Variants in PCM1 observed in about 807,000 individuals in gnomAD.
PCM1 encodes pericentriolar material 1 protein.
A neutral mutation model predicts 241.9 loss-of-function variants in PCM1; 157 were observed. That is an observed-to-expected ratio of 0.65 (90% CI 0.57 to 0.74). The LOEUF is 0.74. PCM1 is among the 30% of genes least tolerant of loss of function. The probability of loss-of-function intolerance (pLI) is 0.00; values close to 1 mark genes in which losing one functional copy is unlikely to be tolerated. For missense variants in PCM1, 3,478 were observed against 2,360.1 expected (o/e 1.47, Z -9.81); for synonymous variants, 1,085 against 784.9 (o/e 1.38, Z -6.39).
chr8:17,957,024 T>C (rs542136017), intron 11 of PCM1, among the ~76,000 whole-genome samples: 27 of 152,328 alleles, frequency 1.8e-4, no homozygotes, highest in African/African-American at 6.5e-4. Context: ...GTATCTAACT[T>C]AGCATTTTGC....
chr8:18,026,163 CTGAAACAAAAAAAAAAAAAAAAAAAAA>C (rs1323461343), intron 38 of PCM1, among the ~76,000 whole-genome samples: 8 of 53,676 alleles, frequency 1.5e-4, no homozygotes, highest in South Asian at 9.3e-4. Context: ...GACTCCCTCT[CTGAAACAAAAAAAAAAAAAAAAAAAAA>C]AAAAAAAAAA....
At chr8:18,001,412 T>C (rs555733654) in intron 29 of PCM1, among the ~76,000 whole-genome samples, 1 of 152,332 alleles carries the variant, frequency 6.6e-6, no homozygotes, top group East Asian at 1.9e-4. Context: ...TTAGACAAGC[T>C]GATTGTCCTT....
Position 18,014,713 on chromosome 8 carries a change from C to G in PCM1, c.5714C>G (p.Pro1905Arg). Residue 1905 changes from proline to arginine, a missense_variant, in exon 36 of 39, where the codon CCG becomes CGG. Physicochemically the swap from Pro to Arg is moderately radical, Grantham distance 103 (BLOSUM62 -2). Transcript: ENST00000325083. Reference sequence around the variant, plus strand: ...TCAACTCAACAGCCTAACCCTTTGCCGTTACGTTTACCTGAAATGGAACCC... The same window carrying G: ...TCAACTCAACAGCCTAACCCTTTGCGGTTACGTTTACCTGAAATGGAACCC... ...VDSTQQPNPLPLRLPEMEPLV... is the reference protein window; with the variant it reads ...VDSTQQPNPLRLRLPEMEPLV... The G allele has an allele frequency of 2.5e-6, 4 of 1,613,728 alleles. No homozygotes were observed. Among genetic ancestry groups the G allele is most frequent in the Non-Finnish European group, 3.4e-6 (4 of 1,179,838 alleles).
At chr8:17,990,975 C>T (rs2084405124) in intron 27 of PCM1, among the ~76,000 whole-genome samples, 1 of 152,086 alleles carries the variant, frequency 6.6e-6, no homozygotes, top group African/African-American at 2.4e-5. Flanking sequence ...ACCCTCACCC[C>T]TTAGGTTGTC....
intron 22 of PCM1, among the ~76,000 whole-genome samples, chr8:17,971,441 G>T (rs575417061): frequency 1.5e-4 from 23 of 152,198 alleles, no homozygotes; most frequent in Admixed American, 1.4e-3. Context: ...GTTTAACTTT[G>T]TTTTATGTGT....
At position 18,029,793 on chromosome 8, in the gene PCM1, GAA is replaced by G. The variant is rs1177503575; in HGVS notation, c.*2134_*2135del. The G allele has an allele frequency of 5.1e-6, 1 of 196,276 alleles. No individual in the cohort carries two copies. The highest frequency in any genetic ancestry group is 2.3e-5 in the African/African-American group (1 of 43,306). 12.2% of individuals were successfully genotyped at this position (196,276 alleles called of 1,614,324 possible). A position where few individuals can be genotyped will look rare whatever the true frequency, so the allele number is the denominator to read the frequency against. On this transcript the variant is annotated 3_prime_UTR_variant, in exon 39 of 39. Coordinates refer to ENST00000325083, the MANE Select transcript of PCM1 (RefSeq NM_006197.4). ...TTTTGGTTACAGATAGATAGAGGGA[GAA>G]AAGTTCAAAATGAGTGAGAGAGAAC...
At chr8:17,933,655 A>G (rs770395927) in intron 2 of PCM1, among the ~76,000 whole-genome samples, 2 of 152,102 alleles carry the variant, frequency 1.3e-5, no homozygotes, top group East Asian at 1.9e-4. Flanking sequence ...GTTATTTTAT[A>G]TATTTGTCAC....
In PCM1 at chr8:18,028,240, T is replaced by A. The variant is rs930030438; in HGVS notation, c.*578T>A. On this transcript the variant is annotated 3_prime_UTR_variant, in exon 39 of 39. Coordinates refer to ENST00000325083, the MANE Select transcript of PCM1 (RefSeq NM_006197.4). Reference sequence around the variant, plus strand: ...ATCCAGGATACCTATGAAGTTATTATAGAATATTTATTAATCCATTGAAAT... The same window carrying A: ...ATCCAGGATACCTATGAAGTTATTAAAGAATATTTATTAATCCATTGAAAT... 1.1e-5 allele frequency: 2 copies of A among 187,818 alleles called. No homozygotes were observed. The highest frequency in any genetic ancestry group is 1.7e-4 in the East Asian group (2 of 11,598). 11.6% of individuals were successfully genotyped at this position (187,818 alleles called of 1,614,324 possible). A position where few individuals can be genotyped will look rare whatever the true frequency, so the allele number is the denominator to read the frequency against.
intron 11 of PCM1, among the ~76,000 whole-genome samples, 175 bp from the exon 12 acceptor site, chr8:17,957,089 A>G (rs908989942): frequency 6.6e-6 from 1 of 152,206 alleles, no homozygotes; most frequent in African/African-American, 2.4e-5. Flanking sequence ...TTCTACTTAA[A>G]TAGCACATAT....
chr8:18,014,360 T>C (rs2092909490), intron 35 of PCM1, among the ~76,000 whole-genome samples: 2 of 150,736 alleles, frequency 1.3e-5, no homozygotes, highest in African/African-American at 4.8e-5. Flanking sequence ...CCTAATTTTT[T>C]AGAAATCAGG....
At chr8:17,938,499 C>G (rs1294968079) in intron 4 of PCM1, among the ~76,000 whole-genome samples, 1 of 152,074 alleles carries the variant, frequency 6.6e-6, no homozygotes, top group Admixed American at 6.6e-5. Context: ...TTAGACTTAC[C>G]TTGTTCATAT....
rs1202659306 is a variant in PCM1, at chr8:17,939,828, G to T, written c.750G>T (p.Glu250Asp). The T allele has an allele frequency of 3.3e-6, 5 of 1,515,642 alleles. No individual in the cohort carries two copies. Among genetic ancestry groups the T allele is most frequent in the Non-Finnish European group, 4.5e-6 (5 of 1,120,868 alleles). The allele number at this position is 1,515,642 out of a possible 1,614,324, so 93.9% of individuals were successfully genotyped here. The change falls in exon 6 of 39, where the codon GAG (glutamate) becomes GAT (aspartate). Residue 250 changes from glutamate to aspartate, a missense_variant. Coordinates refer to ENST00000325083, the MANE Select transcript of PCM1 (RefSeq NM_006197.4). ...TAATAGATCACCTTAAAGAACAAGA[G>T]AAGTCATATATGAAATTTCTTAAAA... ...THLIDHLKEQ[E>D]KSYMKFLKKI... is the part of the protein sequence containing the mutation.
In PCM1 at chr8:17,961,459, C is replaced by T. The variant is rs550426601; in HGVS notation, c.2323-575C>T. On this transcript the variant is annotated intron_variant, in intron 15 of 38. Transcript: ENST00000325083. ...CCGAGTAGCTGGGACTACAGGTGCC[C>T]GCCACCACGCCCGGCTAATTTTTTT... Among the ~76,000 whole-genome samples the T allele has an allele frequency of 7.9e-5, 12 of 151,932 alleles. No homozygotes were observed. In the East Asian group the frequency reaches 1.9e-3, roughly 25 times the overall value.
intron 31 of PCM1, among the ~76,000 whole-genome samples, chr8:18,010,367 G>A (rs1434192272): frequency 2.0e-5 from 3 of 152,094 alleles, no homozygotes; most frequent in South Asian, 4.1e-4. Flanking sequence ...TAAAGTAGAC[G>A]AAGTCAGGCT....
At chr8:17,936,370 G>A (rs927585424) in intron 3 of PCM1, among the ~76,000 whole-genome samples, 7 of 152,022 alleles carry the variant, frequency 4.6e-5, no homozygotes, top group Non-Finnish European at 7.4e-5. Flanking sequence ...TATCCCAAGT[G>A]GTTTACTATA....
rs778648144 is a variant in PCM1, at chr8:17,960,088, C to T, written c.2115C>T (p.Asp705=). The T allele has an allele frequency of 1.2e-6, 2 of 1,609,506 alleles. No homozygotes were observed. Among genetic ancestry groups the T allele is most frequent in the Non-Finnish European group, 1.7e-6 (2 of 1,177,394 alleles). ...ATGATTTCTACCCAGCAGAAGAAGA[C>T]ACCAAGCAAAATTCAAATAACACTA... The part of the protein sequence containing the change: ...NLDDFYPAEE[D]TKQNSNNTRG... Residue 705 remains aspartate (D), a synonymous_variant, in exon 14 of 39, where the codon GAC becomes GAT. Transcript: ENST00000325083.
rs992268517 is a variant in PCM1 at position 17,939,715 on chromosome 8, C to T, written c.637C>T (p.Arg213Cys). The T allele has an allele frequency of 6.5e-6, 10 of 1,536,806 alleles. No homozygotes were observed. The highest frequency in any genetic ancestry group is 2.8e-5 in the African/African-American group (2 of 72,474). ...GATTGTAAGCAGGCTTGTTCAAATTCGCGATTATATTACTAAAGCTAGTTC... is the reference window on the plus strand; with the variant it reads ...GATTGTAAGCAGGCTTGTTCAAATTTGCGATTATATTACTAAAGCTAGTTC... ...SQIVSRLVQIRDYITKASSMR... is the reference protein window; with the variant it reads ...SQIVSRLVQICDYITKASSMR... The change falls in exon 6 of 39, where the codon CGC becomes TGC. Residue 213 changes from arginine (R) to cysteine (C), a missense_variant. Coordinates refer to ENST00000325083, the MANE Select transcript of PCM1 (RefSeq NM_006197.4).
chr8:18,005,811 C>G (rs546298647), intron 29 of PCM1, among the ~76,000 whole-genome samples: 12 of 152,114 alleles, frequency 7.9e-5, no homozygotes, highest in African/African-American at 2.9e-4. Context: ...GCCAAATATC[C>G]TACAATGCAC....
intron 4 of PCM1, among the ~76,000 whole-genome samples, 155 bp from the exon 5 acceptor site, chr8:17,938,585 T>G (rs2061120468): frequency 6.6e-6 from 1 of 152,188 alleles, no homozygotes; most frequent in Non-Finnish European, 1.5e-5. Flanking sequence ...TGAAAGACTG[T>G]TACAGAGCCA....
Sources: allele counts gnomAD v4.1 joint callset (sites outside exome capture counted in the v4.1 genomes callset), GRCh38; gene constraint gnomAD v4.1.1; transcripts MANE v1.5; gene names NCBI Gene and HGNC (gene_info 2026-07-23, HGNC 2026-07-21).